PPP2R2B: variants seen among roughly 807,000 people sequenced by gnomAD.
The protein encoded by PPP2R2B is protein phosphatase 2 regulatory subunit Bbeta.
In PPP2R2B, 5 loss-of-function variants were observed where a neutral mutation model predicts 46.0. That is an observed-to-expected ratio of 0.11 (90% CI 0.06 to 0.23). The LOEUF (loss-of-function observed/expected upper bound fraction) is 0.23, where lower values mean the gene tolerates loss of function less well. Among genes scored for constraint, PPP2R2B ranks in the 10% least tolerant of loss-of-function variants. The pLI is 1.00. For synonymous variants in PPP2R2B, 215 were observed against 206.7 expected (o/e 1.04, Z -0.34); for missense variants, 367 against 575.0 (o/e 0.64, Z 3.70).
intron 1 of PPP2R2B, among the ~76,000 whole-genome samples, chr5:146,936,514 C>CAAA (rs1227977864): frequency 3.9e-5 from 4 of 101,666 alleles, no homozygotes; most frequent in East Asian, 6.9e-4. Context: ...GATGGTTTCT[C>CAAA]AAAAAAAAAA....
intron 2 of PPP2R2B, among the ~76,000 whole-genome samples, chr5:146,763,816 G>A (rs1397869038): frequency 2.0e-5 from 3 of 152,066 alleles, no homozygotes; most frequent in Non-Finnish European, 4.4e-5. Context: ...TTGACTTTAT[G>A]GACTCAAGTG....
intron 2 of PPP2R2B, among the ~76,000 whole-genome samples, chr5:146,843,319 G>C (rs1417487099): frequency 2.0e-5 from 3 of 152,274 alleles, no homozygotes; most frequent in South Asian, 4.1e-4. Context: ...ACTATACAAG[G>C]TGAAGTACAT....
intron 7 of PPP2R2B, among the ~76,000 whole-genome samples, chr5:146,609,122 C>A: frequency 6.6e-6 from 1 of 152,016 alleles, no homozygotes; most frequent in Non-Finnish European, 1.5e-5. Context: ...GTTCACCATA[C>A]GAAAATCAAT....
chr5:146,910,644 C>T (rs887813731), intron 1 of PPP2R2B, among the ~76,000 whole-genome samples: 5 of 152,082 alleles, frequency 3.3e-5, no homozygotes, highest in African/African-American at 1.2e-4. Context: ...AGAATATTGC[C>T]TGGTACATAG....
At chr5:146,751,666 T>C (rs1202249789) in intron 2 of PPP2R2B, 1 of 152,172 alleles carries the variant, frequency 6.6e-6, no homozygotes, top group Admixed American at 6.5e-5. Context: ...TACATTCTAA[T>C]GGAGGAGGAA....
chr5:146,874,243 G>T (rs887146157), intron 2 of PPP2R2B, among the ~76,000 whole-genome samples: 1 of 152,196 alleles, frequency 6.6e-6, no homozygotes, highest in African/African-American at 2.4e-5. Context: ...TGAGGACAGA[G>T]ACCACGTCTG....
At chr5:146,639,609 G>A (rs1183204350) in intron 6 of PPP2R2B, among the ~76,000 whole-genome samples, 4 of 152,160 alleles carry the variant, frequency 2.6e-5, no homozygotes, top group Non-Finnish European at 4.4e-5. Context: ...TTGTGATGTG[G>A]ATGCTGTTAC....
At chr5:146,623,594 A>G (rs1286101913) in intron 7 of PPP2R2B, among the ~76,000 whole-genome samples, 2 of 152,244 alleles carry the variant, frequency 1.3e-5, no homozygotes, top group Non-Finnish European at 2.9e-5. Context: ...ACTGCATTAC[A>G]GACATTTTCA....
At chr5:146,634,337 GTTTA>G (rs1581760098) in intron 7 of PPP2R2B, among the ~76,000 whole-genome samples, 2 of 151,962 alleles carry the variant, frequency 1.3e-5, no homozygotes, top group South Asian at 4.2e-4. Context: ...TGAGGGTTTT[GTTTA>G]TTTATTTTTT....
At chr5:146,974,489 C>T (rs1752805736) in intron 1 of PPP2R2B, among the ~76,000 whole-genome samples, 1 of 152,038 alleles carries the variant, frequency 6.6e-6, no homozygotes, top group Non-Finnish European at 1.5e-5. Context: ...GGGCTTGCTG[C>T]CTCCCTAGGA....
At chr5:146,987,184 A>C (rs1208232145) in intron 1 of PPP2R2B, among the ~76,000 whole-genome samples, 1 of 152,178 alleles carries the variant, frequency 6.6e-6, no homozygotes, top group Non-Finnish European at 1.5e-5. Flanking sequence ...AGAGAGATGT[A>C]GACTTTCTCA....
intron 1 of PPP2R2B, among the ~76,000 whole-genome samples, chr5:146,959,556 C>G (rs963421372): frequency 6.6e-5 from 10 of 152,062 alleles, no homozygotes; most frequent in Non-Finnish European, 1.5e-5. Context: ...AATGCATGCA[C>G]TGTGGTGGTG....
intron 2 of PPP2R2B, among the ~76,000 whole-genome samples, chr5:146,713,421 T>C (rs1325879511): frequency 6.6e-6 from 1 of 152,176 alleles, no homozygotes; most frequent in Non-Finnish European, 1.5e-5. Context: ...GCCACCAAAC[T>C]GTATACTGAA....
intron 2 of PPP2R2B, among the ~76,000 whole-genome samples, chr5:146,823,372 TA>T (rs1277924420): frequency 1.3e-5 from 2 of 152,034 alleles, no homozygotes; most frequent in Non-Finnish European, 2.9e-5. Flanking sequence ...TAATTTTTTT[TA>T]TTTTTGATAG....
intron 7 of PPP2R2B, among the ~76,000 whole-genome samples, chr5:146,628,144 C>G (rs1233684356): frequency 6.6e-6 from 1 of 152,086 alleles, no homozygotes; most frequent in Non-Finnish European, 1.5e-5. Flanking sequence ...AGGGTTTCAC[C>G]TTGTTGGCCA....
intron 2 of PPP2R2B, among the ~76,000 whole-genome samples, chr5:147,080,259 A>T (rs912500791): frequency 1.3e-5 from 2 of 152,204 alleles, no homozygotes; most frequent in African/African-American, 4.8e-5. Context: ...TCACTTCATC[A>T]TTCTTTAAAA....
At chr5:146,608,381 C>T (rs1322975016) in intron 7 of PPP2R2B, among the ~76,000 whole-genome samples, 1 of 152,352 alleles carries the variant, frequency 6.6e-6, no homozygotes, top group East Asian at 1.9e-4. Context: ...TTCATCATCT[C>T]CAGGTTGGAT....
intron 1 of PPP2R2B, among the ~76,000 whole-genome samples, chr5:146,906,447 C>G (rs2151801948): frequency 6.6e-6 from 1 of 152,194 alleles, no homozygotes; most frequent in East Asian, 1.9e-4. Context: ...CTCAGCCTCC[C>G]TAGTAGCTGG....
chr5:146,768,759 C>T (rs538565703), intron 2 of PPP2R2B, among the ~76,000 whole-genome samples: 2 of 152,328 alleles, frequency 1.3e-5, no homozygotes, highest in South Asian at 4.2e-4. Context: ...TCACTGGCCT[C>T]CTCCCAGCTC....
Sources: gnomAD v4.1 joint callset for allele counts (sites outside exome capture counted in the v4.1 genomes callset) on GRCh38, gnomAD v4.1.1 for gene constraint, MANE v1.5 for transcripts, NCBI Gene and HGNC (gene_info 2026-07-23, HGNC 2026-07-21) for gene names.